Variants in TGFBR3 observed in about 807,000 individuals in gnomAD.
The protein encoded by TGFBR3 is transforming growth factor beta receptor 3, also known as transforming growth factor beta receptor type 3.
TGFBR3 carries 46 observed loss-of-function variants against 87.9 expected under a neutral mutation model. The ratio of observed to expected loss-of-function variants is 0.52; its 90% CI spans 0.41 to 0.67. The LOEUF (loss-of-function observed/expected upper bound fraction) is 0.67, where lower values mean the gene tolerates loss of function less well. Ranked by LOEUF, TGFBR3 falls within the 30% of genes least tolerant of loss-of-function variation. TGFBR3 has a pLI of 0.00. For missense variants in TGFBR3, 866 were observed against 1,041.9 expected, an observed-to-expected ratio of 0.83 and a Z score of 2.32; for synonymous variants, 381 against 391.6, an observed-to-expected ratio of 0.97 and a Z score of 0.32.
rs533473806 is a variant in TGFBR3, at chr1:91,902,310, A to G, written c.-174-2613T>C. On this transcript the variant is annotated intron_variant, in intron 1 of 17. Coordinates refer to the TGFBR3 transcript ENST00000370399. Reference sequence around the variant, plus strand: ...GTGTGTGTGTGTGTGACAGGGTCTCACTCTGTCACTCAGGCTGGAGTACAG... The same window carrying G: ...GTGTGTGTGTGTGTGACAGGGTCTCGCTCTGTCACTCAGGCTGGAGTACAG... Among the ~76,000 whole-genome samples, 414 of 141,790 alleles carry G rather than the reference A, an allele frequency of 2.9e-3. 3 individuals carry two copies. The highest frequency in any genetic ancestry group is 4.4e-3 in the Non-Finnish European group (284 of 65,092). The allele number at this position is 141,790 out of a possible 152,430, so 93.0% of individuals were successfully genotyped here. A position where few individuals can be genotyped will look rare whatever the true frequency, so the allele number is the denominator to read the frequency against.
rs1297386044 is a variant in TGFBR3, at chr1:91,681,375, A to C, written c.*2364T>G. The C allele has an allele frequency of 2.4e-6, 1 of 413,180 alleles. No homozygotes were observed. Among genetic ancestry groups the C allele is most frequent in the African/African-American group, 2.1e-5 (1 of 48,326 alleles). The allele number at this position is 413,180 out of a possible 1,614,324, so 25.6% of individuals were successfully genotyped here. A position where few individuals can be genotyped will look rare whatever the true frequency, so the allele number is the denominator to read the frequency against. On this transcript the variant is annotated 3_prime_UTR_variant, in exon 17 of 17. Transcript: ENST00000212355. ...ATAATTCTGACAATGAGACCCAAACAAATAAAAGGTGATTTTTTTCCTCTC... is the reference window on the plus strand; with the variant it reads ...ATAATTCTGACAATGAGACCCAAACCAATAAAAGGTGATTTTTTTCCTCTC...
upstream of TGFBR3, among the ~76,000 whole-genome samples, chr1:91,889,913 T>C (rs1679410724): frequency 6.6e-6 from 1 of 152,166 alleles, no homozygotes; most frequent in Middle Eastern, 3.2e-3. Context: ...CCACCCACCT[T>C]GGCCTCCCAC....
intron 3 of TGFBR3, chr1:91,766,453 G>C (rs1210782591): frequency 6.6e-6 from 1 of 152,140 alleles, no homozygotes; most frequent in African/African-American, 2.4e-5. Context: ...AATGGCCTGT[G>C]CATCAGTACT....
At chr1:91,725,447 T>C (rs949118521) in intron 7 of TGFBR3, among the ~76,000 whole-genome samples, 5 of 152,340 alleles carry the variant, frequency 3.3e-5, no homozygotes, top group Admixed American at 6.5e-5. Flanking sequence ...TAGGCATATA[T>C]TATCTTATTT....
chr1:91,735,073 T>C (rs890704734), intron 4 of TGFBR3, 114 bp from the exon 5 acceptor site: 1 of 1,216,060 alleles, frequency 8.2e-7, no homozygotes, highest in Non-Finnish European at 1.2e-6. Flanking sequence ...TTCCCTTTGT[T>C]ATACAAGCAG....
intron 2 of TGFBR3, among the ~76,000 whole-genome samples, chr1:91,842,106 AAAAAG>A (rs969142837): frequency 2.0e-5 from 3 of 152,250 alleles, no homozygotes; most frequent in South Asian, 2.1e-4. Context: ...TGCCAAAAAA[AAAAAG>A]AAAGAAAGAA....
intron 1 of TGFBR3, among the ~76,000 whole-genome samples, chr1:91,884,074 C>A (rs1033807315): frequency 6.6e-6 from 1 of 152,164 alleles, no homozygotes; most frequent in Non-Finnish European, 1.5e-5. Flanking sequence ...GTAATCCCAG[C>A]ACTTTGGGAG....
rs754901024 is a variant in TGFBR3, at chr1:91,680,442, A to T, written c.*3297T>A. ...TAAGCATCTTCACAAAATAGCTGAC[A>T]CACTGAACAGAGAAAAGAATACAAC... On this transcript the variant is annotated 3_prime_UTR_variant, in exon 17 of 17. Coordinates refer to ENST00000212355, the MANE Select transcript of TGFBR3 (RefSeq NM_003243.5). 2.2e-6 allele frequency: 1 copy of T among 454,138 alleles called. No homozygotes were observed. The highest frequency in any genetic ancestry group is 1.6e-5 in the South Asian group (1 of 64,466). The allele number at this position is 454,138 out of a possible 1,614,324, so 28.1% of individuals were successfully genotyped here.
chr1:91,685,489 A>C (rs1671060352), intron 16 of TGFBR3, among the ~76,000 whole-genome samples: 1 of 151,470 alleles, frequency 6.6e-6, no homozygotes, highest in Non-Finnish European at 1.5e-5. Flanking sequence ...TGCCTGGCTA[A>C]TTTTTTGTAT....
intron 3 of TGFBR3, among the ~76,000 whole-genome samples, chr1:91,789,094 G>A (rs1387440493): frequency 1.3e-5 from 2 of 152,164 alleles, no homozygotes; most frequent in African/African-American, 2.4e-5. Context: ...TCAAGAGATC[G>A]AGGCCATCCT....
chr1:91,882,883 T>C (rs1326886538), intron 1 of TGFBR3, among the ~76,000 whole-genome samples: 1 of 152,222 alleles, frequency 6.6e-6, no homozygotes, highest in African/African-American at 2.4e-5. Context: ...TCTGAACTAC[T>C]ACTATACTTG....
intron 3 of TGFBR3, among the ~76,000 whole-genome samples, chr1:91,793,745 G>A (rs187114619): frequency 2.0e-3 from 291 of 147,414 alleles, no homozygotes; most frequent in African/African-American, 7.1e-3. Flanking sequence ...GGTGGAGGTT[G>A]CAGTGAGCCA....
chr1:91,827,732 A>G (rs2101077166), intron 2 of TGFBR3, among the ~76,000 whole-genome samples: 1 of 152,354 alleles, frequency 6.6e-6, no homozygotes, highest in Non-Finnish European at 1.5e-5. Flanking sequence ...AGTGCTGGAC[A>G]GAGGAACAAA....
intron 5 of TGFBR3, among the ~76,000 whole-genome samples, chr1:91,730,725 A>G (rs1219468045): frequency 2.0e-5 from 3 of 152,168 alleles, no homozygotes; most frequent in Non-Finnish European, 4.4e-5. Flanking sequence ...TCTTTCCCTC[A>G]TATGTATTCC....
intron 10 of TGFBR3, 89 bp downstream of exon 10, chr1:91,719,223 C>A (rs780271213): frequency 2.5e-5 from 40 of 1,582,356 alleles, no homozygotes; most frequent in South Asian, 5.6e-5. Context: ...AAACCCTCTT[C>A]ATCTTCAAAG....
At chr1:91,827,036 C>T (rs961349893) in intron 2 of TGFBR3, among the ~76,000 whole-genome samples, 1 of 152,156 alleles carries the variant, frequency 6.6e-6, no homozygotes, top group Non-Finnish European at 1.5e-5. Flanking sequence ...AACATAGTTG[C>T]CTTTATTGAT....
rs760819218 is a variant in TGFBR3, at chr1:91,719,421, G to T, written c.1457C>A (p.Thr486Asn). Reference protein sequence around the residue: ...SGMDVTLLDPTCKAKMNGTHF... With the variant: ...SGMDVTLLDPNCKAKMNGTHF... ...TGTGCCATTCATCTTGGCCTTGCAG[G>T]TAGGATCCAACAGGGTGACGTCCAT... Residue 486 changes from threonine (T) to asparagine (N), a missense_variant, in exon 10 of 17, where the codon ACC (threonine) becomes AAC (asparagine). Thr to Asn is a moderately conservative substitution (Grantham distance 65, BLOSUM62 0). Coordinates refer to ENST00000212355, the MANE Select transcript of TGFBR3 (RefSeq NM_003243.5). 5.6e-6 allele frequency: 9 copies of T among 1,614,058 alleles called. No individual in the cohort carries two copies. The highest frequency in any genetic ancestry group is 7.6e-6 in the Non-Finnish European group (9 of 1,180,038).
intron 8 of TGFBR3, among the ~76,000 whole-genome samples, chr1:91,721,296 G>A (rs1672360157): frequency 6.6e-6 from 1 of 152,138 alleles, no homozygotes; most frequent in Admixed American, 6.5e-5. Flanking sequence ...TATTACTGAA[G>A]AAAAATCTGT....
At chr1:91,735,045 G>A in intron 4 of TGFBR3, 86 bp from the exon 5 acceptor site, 1 of 1,491,550 alleles carries the variant, frequency 6.7e-7, no homozygotes, top group East Asian at 2.3e-5. Flanking sequence ...AAATCGAAGT[G>A]CTTGTAAATC....
Sources: gnomAD v4.1 joint callset for allele counts (sites outside exome capture counted in the v4.1 genomes callset) on GRCh38, gnomAD v4.1.1 for gene constraint, MANE v1.5 for transcripts, NCBI Gene and HGNC (gene_info 2026-07-23, HGNC 2026-07-21) for gene names.